Variants in TENM2 observed in about 807,000 individuals in gnomAD.
TENM2 encodes the protein teneurin-2.
A neutral mutation model predicts 245.2 loss-of-function variants in TENM2; 52 were observed. That is an observed-to-expected ratio of 0.21 (90% CI 0.17 to 0.27). The LOEUF is 0.27. Ranked by LOEUF, TENM2 falls within the 10% of genes least tolerant of loss-of-function variation. TENM2 has a pLI of 1.00. For missense variants in TENM2, 3,046 were observed against 3,666.8 expected (o/e 0.83, Z 4.37); for synonymous variants, 1,363 against 1,438.9 (o/e 0.95, Z 1.19).
chr5:167,710,091 G>A (rs1367027853), intron 2 of TENM2, among the ~76,000 whole-genome samples: 4 of 152,158 alleles, frequency 2.6e-5, no homozygotes, highest in Non-Finnish European at 5.9e-5. Context: ...GGAAGAAAAA[G>A]AAGTAATGAT....
At chr5:167,070,284 A>ATTTTTTTTTTTTTTTTTTTTTTTTTTT in the TENM2 span, among the ~76,000 whole-genome samples, 1 of 99,350 alleles carries the variant, frequency 1.0e-5, no homozygotes, top group African/African-American at 5.5e-5. Context: ...CGCCCGGCTA[A>ATTTTTTTTTTTTTTTTTTTTTTTTTTT]TTTTTTTTTT....
chr5:167,956,186 T>G (rs1396293369), intron 4 of TENM2, among the ~76,000 whole-genome samples: 1 of 152,208 alleles, frequency 6.6e-6, no homozygotes, highest in African/African-American at 2.4e-5. Context: ...GTCCTTCACA[T>G]CCCTTGTAAG....
chr5:167,203,589 T>C, the TENM2 span, among the ~76,000 whole-genome samples: 2 of 152,110 alleles, frequency 1.3e-5, no homozygotes, highest in Middle Eastern at 3.2e-3. Flanking sequence ...GGAGGCAAAG[T>C]CCTCTGCATT....
the TENM2 span, among the ~76,000 whole-genome samples, chr5:167,118,312 A>G: frequency 6.6e-6 from 1 of 152,316 alleles, no homozygotes; most frequent in East Asian, 1.9e-4. Flanking sequence ...TTAGAGACGG[A>G]CTTAGAGATG....
chr5:167,298,783 A>T (rs1186767690), intron 1 of TENM2, among the ~76,000 whole-genome samples: 1 of 152,226 alleles, frequency 6.6e-6, no homozygotes, highest in Non-Finnish European at 1.5e-5. Context: ...TAAGAGTGGC[A>T]GTTTGGGGAT....
chr5:167,570,930 G>A (rs985699297), intron 2 of TENM2, among the ~76,000 whole-genome samples: 1 of 152,104 alleles, frequency 6.6e-6, no homozygotes, highest in African/African-American at 2.4e-5. Flanking sequence ...GGCTTGCTTC[G>A]AGGGTGAGTT....
intron 7 of TENM2, among the ~76,000 whole-genome samples, chr5:168,070,821 A>AGAGAGAGAGAGAG (rs1562121012): frequency 4.4e-4 from 44 of 100,344 alleles, no homozygotes; most frequent in African/African-American, 1.5e-3. Context: ...GAGAGAGAGA[A>AGAGAGAGAGAGAG]AAAAAGAAAG....
chr5:167,163,163 T>A, the TENM2 span, among the ~76,000 whole-genome samples: 4 of 152,186 alleles, frequency 2.6e-5, no homozygotes, highest in African/African-American at 9.7e-5. Flanking sequence ...AATGCAGTGG[T>A]ACAATTATAA....
At chr5:167,357,467 G>A (rs1298716163) in intron 1 of TENM2, among the ~76,000 whole-genome samples, 5 of 151,826 alleles carry the variant, frequency 3.3e-5, no homozygotes, top group African/African-American at 1.2e-4. Flanking sequence ...ATTTTTAGTA[G>A]AGACGGGATC....
At chr5:168,166,778 C>T (rs1758342334) in intron 13 of TENM2, among the ~76,000 whole-genome samples, 1 of 152,150 alleles carries the variant, frequency 6.6e-6, no homozygotes, top group Non-Finnish European at 1.5e-5. Flanking sequence ...TTTGGAAGAA[C>T]TGAGAAAACT....
rs1470283240 is a variant in TENM2 at position 167,420,916 on chromosome 5, G to A, written c.502+45443G>A. 2.6e-5 allele frequency among the ~76,000 whole-genome samples: 4 copies of A among 152,166 alleles called. No individual in the cohort carries two copies. The East Asian group carries it at 7.7e-4, about 29-fold the overall frequency. On this transcript the variant is annotated intron_variant, in intron 2 of 28. Transcript: ENST00000518659. ...ATATTTGTTGCATAAAGAAATGAGT[G>A]AAGGAAGGAATTAATTCAATTGTTA...
intron 2 of TENM2, among the ~76,000 whole-genome samples, chr5:167,500,531 A>T (rs1328014819): frequency 6.6e-6 from 1 of 152,180 alleles, no homozygotes; most frequent in African/African-American, 2.4e-5. Flanking sequence ...GACCTAGATT[A>T]TTAGGAAGCA....
chr5:167,886,116 A>C (rs1238302417), intron 3 of TENM2, among the ~76,000 whole-genome samples: 1 of 152,162 alleles, frequency 6.6e-6, no homozygotes, highest in Non-Finnish European at 1.5e-5. Context: ...TGGCTAGAGG[A>C]CATGGACACC....
At chr5:167,610,523 A>G (rs1386734402) in intron 2 of TENM2, among the ~76,000 whole-genome samples, 1 of 152,096 alleles carries the variant, frequency 6.6e-6, no homozygotes, top group Non-Finnish European at 1.5e-5. Flanking sequence ...TCATCACTCC[A>G]GAGATTCTAA....
intron 2 of TENM2, among the ~76,000 whole-genome samples, chr5:167,822,209 G>T (rs1376674662): frequency 1.3e-5 from 2 of 151,754 alleles, no homozygotes; most frequent in Non-Finnish European, 2.9e-5. Context: ...CGGTCACATT[G>T]TGAATGTTTG....
At chr5:167,839,968 C>T (rs2151143901) in intron 2 of TENM2, among the ~76,000 whole-genome samples, 1 of 152,302 alleles carries the variant, frequency 6.6e-6, no homozygotes, top group South Asian at 2.1e-4. Context: ...CAGGCATGCG[C>T]CACCACGCCC....
the TENM2 span, among the ~76,000 whole-genome samples, chr5:167,155,520 G>A: frequency 6.6e-6 from 1 of 152,170 alleles, no homozygotes; most frequent in African/African-American, 2.4e-5. Flanking sequence ...AGCATCTTGT[G>A]CTCGATGTAG....
At chr5:167,632,321 A>G (rs183854320) in intron 2 of TENM2, among the ~76,000 whole-genome samples, 1 of 152,312 alleles carries the variant, frequency 6.6e-6, no homozygotes, top group African/African-American at 2.4e-5. Context: ...CCTCAAGAAA[A>G]AGGAAGTTCT....
At chr5:167,449,873 G>A (rs963648292) in intron 2 of TENM2, among the ~76,000 whole-genome samples, 47 of 152,214 alleles carry the variant, frequency 3.1e-4, no homozygotes, top group African/African-American at 1.1e-3. Context: ...CAGGAGAATC[G>A]CTTGAACCTG....
Sources: allele counts gnomAD v4.1 joint callset (sites outside exome capture counted in the v4.1 genomes callset), GRCh38; gene constraint gnomAD v4.1.1; transcripts MANE v1.5; gene names NCBI Gene and HGNC (gene_info 2026-07-23, HGNC 2026-07-21).